APOLD1: variants seen among roughly 807,000 people sequenced by gnomAD.
The protein encoded by APOLD1 is apolipoprotein L domain containing 1.
In APOLD1, 22 loss-of-function variants were observed where a neutral mutation model predicts 15.3. The ratio of observed to expected loss-of-function variants is 1.44; its 90% CI spans 1.03 to 2.05. The LOEUF (loss-of-function observed/expected upper bound fraction) is 2.05. APOLD1 is among the 30% of genes most tolerant of loss of function. APOLD1 has a pLI of 0.00. For missense variants in APOLD1, 394 were observed against 353.5 expected, an observed-to-expected ratio of 1.11 and a Z score of -0.92; for synonymous variants, 190 against 167.4, an observed-to-expected ratio of 1.13 and a Z score of -1.04.
Position 12,785,684 on chromosome 12 carries a change from A to T in APOLD1, c.-8A>T. 1 of 1,614,184 alleles carries T rather than the reference A, an allele frequency of 6.2e-7. No individual in the cohort carries two copies. The highest frequency in any genetic ancestry group is 8.5e-7 in the Non-Finnish European group (1 of 1,179,988). ...AGATTTTACTTTCCTGGAGGCAGACAGAAGTGAATGGTAAGTGGGGAACCC... is the reference window on the plus strand; with the variant it reads ...AGATTTTACTTTCCTGGAGGCAGACTGAAGTGAATGGTAAGTGGGGAACCC... On this transcript the variant is annotated 5_prime_UTR_variant, in exon 1 of 2. Coordinates refer to ENST00000356591, the MANE Select transcript of APOLD1 (RefSeq NM_030817.3).
rs192732595 is a variant in APOLD1, at chr12:12,744,633, G to A, written c.96+18537G>A. Reference sequence around the variant, plus strand: ...CTGATTTCTCAGCTCTCAACTCTAGGCAGGTGATTTATTTGTCCACTTAAG... The same window carrying A: ...CTGATTTCTCAGCTCTCAACTCTAGACAGGTGATTTATTTGTCCACTTAAG... On this transcript the variant is annotated intron_variant, in intron 1 of 1. Transcript: ENST00000326765. 2.5e-3 allele frequency among the ~76,000 whole-genome samples: 374 copies of A among 152,272 alleles called. 2 individuals are homozygous for A. Among genetic ancestry groups the A allele is most frequent in the Non-Finnish European group, 4.6e-3 (313 of 68,028 alleles).
chr12:12,762,712 C>T (rs542687364), intron 1 of APOLD1, among the ~76,000 whole-genome samples: 1 of 152,200 alleles, frequency 6.6e-6, no homozygotes, highest in South Asian at 2.1e-4. Context: ...TCTGCAGTGA[C>T]CTTTGATTGG....
chr12:12,787,647 T>C lies in APOLD1; in HGVS notation c.742T>C (p.Phe248Leu). 1 of 1,588,088 alleles carries C rather than the reference T, an allele frequency of 6.3e-7. No individual in the cohort carries two copies. Among genetic ancestry groups the C allele is most frequent in the African/African-American group, 1.3e-5 (1 of 74,586 alleles). ...TGCTGACCAGCGTGCAGGGCTGTTT[T>C]TCTGAGAACATCCTTTCCCCCTAAT... is the stretch of plus-strand genomic sequence containing the variant. ...ISADQRAGLF[F>L] The change falls in exon 2 of 2, where the codon TTC (phenylalanine) becomes CTC (leucine). Residue 248 changes from phenylalanine to leucine, a missense_variant. By Grantham distance (22) the Phe-to-Leu change is conservative. Transcript: ENST00000356591. This position sits in a 1 kb window ranked among gnomAD's most constrained non-coding sequence, Gnocchi z 4.9.
Position 12,787,139 on chromosome 12 carries a change from G to C in APOLD1, c.234G>C (p.Pro78=). The C allele has an allele frequency of 8.7e-6, 13 of 1,490,440 alleles. No individual in the cohort carries two copies. Among genetic ancestry groups the C allele is most frequent in the Non-Finnish European group, 1.1e-5 (13 of 1,131,914 alleles). 92.3% of individuals were successfully genotyped at this position (1,490,440 alleles called of 1,614,324 possible). ...CCATCGTGGGGCTCTCGCTCAGCCC[G>C]GTCACCCTGGGGACCTCGCTGCTGG... The part of the protein sequence containing the change: ...LAAIVGLSLS[P]VTLGTSLLVS... Residue 78 remains proline (P), a synonymous_variant, in exon 2 of 2, where the codon CCG becomes CCC. Transcript: ENST00000356591. The surrounding 1 kb of genome is among the most constrained non-coding windows in gnomAD (Gnocchi z 4.9).
At chr12:12,759,550 T>C (rs1032264109) in intron 1 of APOLD1, among the ~76,000 whole-genome samples, 1 of 152,046 alleles carries the variant, frequency 6.6e-6, no homozygotes, top group African/African-American at 2.4e-5. Context: ...AATAGATATC[T>C]GTTTTTGTTG....
intron 1 of APOLD1, among the ~76,000 whole-genome samples, chr12:12,740,089 C>T (rs923728744): frequency 6.6e-6 from 1 of 151,734 alleles, no homozygotes; most frequent in African/African-American, 2.4e-5. Flanking sequence ...TCAAGCGATT[C>T]TCCTGCATCA....
rs530175673 is a variant in APOLD1, at chr12:12,791,413, C to T, written c.*3761C>T. ...CAACTCTTGAGTTCATTTTTTCCCACTGTAGCAAAATTAATGCTTTCTCTT... is the reference window on the plus strand; with the variant it reads ...CAACTCTTGAGTTCATTTTTTCCCATTGTAGCAAAATTAATGCTTTCTCTT... On this transcript the variant is annotated 3_prime_UTR_variant, in exon 2 of 2. Transcript: ENST00000356591. 4 of 152,302 alleles carry T rather than the reference C, an allele frequency of 2.6e-5. No individual in the cohort carries two copies. Among genetic ancestry groups the T allele is most frequent in the African/African-American group, 9.6e-5 (4 of 41,590 alleles). 9.4% of individuals were successfully genotyped at this position (152,302 alleles called of 1,614,324 possible). A position where few individuals can be genotyped will look rare whatever the true frequency, so the allele number is the denominator to read the frequency against.
At chr12:12,778,860 C>T (rs1947058176) in intron 1 of APOLD1, among the ~76,000 whole-genome samples, 1 of 152,136 alleles carries the variant, frequency 6.6e-6, no homozygotes, top group Non-Finnish European at 1.5e-5. Flanking sequence ...AGTTGTGTAC[C>T]TCTGAGAACC....
At chr12:12,752,035 CTT>C (rs1012134030) in intron 1 of APOLD1, among the ~76,000 whole-genome samples, 2 of 152,186 alleles carry the variant, frequency 1.3e-5, no homozygotes, top group Non-Finnish European at 2.9e-5. Context: ...GACACCTTGA[CTT>C]TACCCCTAAT....
intron 1 of APOLD1, among the ~76,000 whole-genome samples, chr12:12,730,663 G>A (rs1292005999): frequency 2.3e-5 from 3 of 132,642 alleles, no homozygotes; most frequent in Non-Finnish European, 3.1e-5. Context: ...CCTGGGGGAC[G>A]AGATTGAGAC....
upstream of APOLD1, among the ~76,000 whole-genome samples, chr12:12,780,755 AT>A: frequency 6.9e-6 from 1 of 145,082 alleles, no homozygotes; most frequent in Non-Finnish European, 1.5e-5. Context: ...CACACAGCTA[AT>A]TTTTGTAGTT....
At chr12:12,760,327 CAACA>C (rs893344905) in intron 1 of APOLD1, among the ~76,000 whole-genome samples, 40 of 148,354 alleles carry the variant, frequency 2.7e-4, no homozygotes, top group Middle Eastern at 3.8e-3. Context: ...CCCGGTCTCA[CAACA>C]AACAAACAAA....
intron 1 of APOLD1, among the ~76,000 whole-genome samples, chr12:12,741,042 AAG>A (rs1458411306): frequency 1.3e-5 from 2 of 152,128 alleles, no homozygotes; most frequent in African/African-American, 2.4e-5. Flanking sequence ...ATGTCTCTCA[AAG>A]TCCTTGTACC....
At chr12:12,781,564 G>C (rs1399381866), upstream of APOLD1, among the ~76,000 whole-genome samples, 3 of 126,274 alleles carry the variant, frequency 2.4e-5, no homozygotes, top group African/African-American at 9.3e-5. Flanking sequence ...GTCTCGCTCT[G>C]TCGCCCAGGC....
chr12:12,731,960 T>C (rs1946644381), intron 1 of APOLD1, among the ~76,000 whole-genome samples: 1 of 152,212 alleles, frequency 6.6e-6, no homozygotes, highest in African/African-American at 2.4e-5. Context: ...ACTTTGTACA[T>C]AGAAATCCCC....
At chr12:12,771,525 T>C in intron 1 of APOLD1, 1 of 514,112 alleles carries the variant, frequency 1.9e-6, no homozygotes, top group South Asian at 1.4e-5. Context: ...TATCTCATTT[T>C]GTCCATCCAA....
At chr12:12,772,690 C>T (rs1028495193) in intron 1 of APOLD1, among the ~76,000 whole-genome samples, 2 of 152,122 alleles carry the variant, frequency 1.3e-5, no homozygotes, top group African/African-American at 2.4e-5. Flanking sequence ...ACATGTTCTT[C>T]TCAAAGTCAT....
Position 12,787,805 on chromosome 12 carries a change from C to T in APOLD1, c.*153C>T. 1 of 1,059,446 alleles carries T rather than the reference C, an allele frequency of 9.4e-7. No individual in the cohort carries two copies. The allele number at this position is 1,059,446 out of a possible 1,614,324, so 65.6% of individuals were successfully genotyped here. A position where few individuals can be genotyped will look rare whatever the true frequency, so the allele number is the denominator to read the frequency against. ...TTTTGAAGTGGGCAGGTCCCCAAAG[C>T]CCTTCTTTTCCCATCACTGTGACAT... On this transcript the variant is annotated 3_prime_UTR_variant, in exon 2 of 2. Coordinates refer to ENST00000356591, the MANE Select transcript of APOLD1 (RefSeq NM_030817.3). This position sits in a 1 kb window ranked among gnomAD's most constrained non-coding sequence, Gnocchi z 4.9.
intron 1 of APOLD1, among the ~76,000 whole-genome samples, chr12:12,731,881 G>A (rs1565424930): frequency 2.0e-5 from 3 of 152,206 alleles, no homozygotes; most frequent in Non-Finnish European, 4.4e-5. Flanking sequence ...AGCCACGACC[G>A]TCTTTCAGGT....
Sources: gnomAD v4.1 joint callset for allele counts (sites outside exome capture counted in the v4.1 genomes callset) on GRCh38, gnomAD v4.1.1 for gene constraint, Gnocchi (gnomAD v3.1) non-coding constraint, MANE v1.5 for transcripts, NCBI Gene and HGNC (gene_info 2026-07-23, HGNC 2026-07-21) for gene names.